The following CLDN16 variants were observed in gnomAD, a reference collection of about 807,000 sequenced individuals.
The protein encoded by CLDN16 is claudin-16.
Under a neutral mutation model 24.6 loss-of-function variants are expected in CLDN16, and 13 were observed. The ratio of observed to expected loss-of-function variants is 0.53; its 90% confidence interval spans 0.34 to 0.84. The LOEUF (loss-of-function observed/expected upper bound fraction) is 0.84. CLDN16 is among the 40% of genes least tolerant of loss of function. CLDN16 has a pLI of 0.01. For synonymous variants in CLDN16, 116 were observed against 106.7 expected, an observed-to-expected ratio of 1.09 and a Z score of -0.54; for missense variants, 298 against 292.7, an observed-to-expected ratio of 1.02 and a Z score of -0.13.
intron 1 of CLDN16, among the ~76,000 whole-genome samples, chr3:190,360,297 G>A (rs1435441381): frequency 1.3e-5 from 2 of 152,026 alleles, no homozygotes; most frequent in East Asian, 3.9e-4. Flanking sequence ...TTCTTTTATT[G>A]AGAGGAGGCC....
At chr3:190,376,353 G>A (rs1718248573) in intron 3 of CLDN16, among the ~76,000 whole-genome samples, 1 of 151,640 alleles carries the variant, frequency 6.6e-6, no homozygotes, top group Non-Finnish European at 1.5e-5. Flanking sequence ...GAAATGAAAG[G>A]TATGTTGATG....
chr3:190,309,038 A>G, the CLDN16 span, among the ~76,000 whole-genome samples: 4 of 152,142 alleles, frequency 2.6e-5, no homozygotes, highest in Admixed American at 1.3e-4. Context: ...AATACGGAAG[A>G]GTAGAGAAGG....
chr3:190,327,246 G>A (rs1337281500), intron 1 of CLDN16, among the ~76,000 whole-genome samples: 2 of 152,118 alleles, frequency 1.3e-5, no homozygotes, highest in African/African-American at 2.4e-5. Context: ...GGAAACCTCC[G>A]TATTTCCTTG....
chr3:190,327,194 A>G (rs1168742493), intron 1 of CLDN16, among the ~76,000 whole-genome samples: 2 of 152,228 alleles, frequency 1.3e-5, no homozygotes, highest in African/African-American at 4.8e-5. Flanking sequence ...TTCACAGTCT[A>G]GAGTCTGAAA....
intron 1 of CLDN16, among the ~76,000 whole-genome samples, chr3:190,398,963 G>C (rs905350906): frequency 2.0e-5 from 3 of 152,096 alleles, no homozygotes; most frequent in Admixed American, 6.6e-5. Context: ...TTTATATGTT[G>C]AATTTCACAA....
intron 3 of CLDN16, among the ~76,000 whole-genome samples, chr3:190,376,695 A>G (rs1424321057): frequency 6.6e-6 from 1 of 151,946 alleles, no homozygotes; most frequent in Non-Finnish European, 1.5e-5. Context: ...TAATGCTGCC[A>G]TGAGAGAAAT....
the CLDN16 span, among the ~76,000 whole-genome samples, chr3:190,302,158 C>G: frequency 6.6e-6 from 1 of 152,150 alleles, no homozygotes; most frequent in Non-Finnish European, 1.5e-5. Context: ...TACCAGGTAC[C>G]ACTTGATTTG....
intron 1 of CLDN16, among the ~76,000 whole-genome samples, chr3:190,335,854 G>T (rs1350099582): frequency 4.0e-5 from 6 of 151,450 alleles, no homozygotes; most frequent in Non-Finnish European, 4.4e-5. Flanking sequence ...GCTAGAAATT[G>T]TCCCATAAAG....
upstream of CLDN16, among the ~76,000 whole-genome samples, chr3:190,318,719 G>A (rs1408099872): frequency 1.3e-5 from 2 of 152,138 alleles, no homozygotes; most frequent in East Asian, 3.8e-4. Context: ...AACACCAATG[G>A]CCCTTCGAGT....
chr3:190,401,950 G>GTT (rs1305412388), intron 1 of CLDN16, among the ~76,000 whole-genome samples: 2 of 151,536 alleles, frequency 1.3e-5, no homozygotes, highest in African/African-American at 4.8e-5. Context: ...ATCATCTATT[G>GTT]TTATATATAT....
rs116813749 is a variant in CLDN16, at chr3:190,328,206, G to T, written n.121+5545G>T. On this transcript the variant is annotated intron_variant and non_coding_transcript_variant, in intron 1 of 4. Coordinates refer to the CLDN16 transcript ENST00000468220. ...TGAGGTAGGAGAATCACTTGGGCTC[G>T]AGAGATGGAGGCTATAGTGAGCTGT... Among the ~76,000 whole-genome samples the T allele has an allele frequency of 3.7e-3, 567 of 152,084 alleles. 5 individuals are homozygous for T. Among genetic ancestry groups the T allele is most frequent in the African/African-American group, 0.013 (540 of 41,480 alleles).
At chr3:190,333,892 T>C (rs1331932331) in intron 1 of CLDN16, among the ~76,000 whole-genome samples, 3 of 152,164 alleles carry the variant, frequency 2.0e-5, no homozygotes, top group Non-Finnish European at 4.4e-5. Context: ...AACATGCAGC[T>C]GACAGAAACA....
chr3:190,404,956 G>T lies in CLDN16; in HGVS notation c.382+30G>T, dbSNP rs113587663. The stretch of plus-strand genomic sequence containing the variant: ...CGGTCTGGCTGGACTAGCAACAGGG[G>T]TAGGGAGACTCTGCTAAGGGCTTGA... On this transcript the variant is annotated intron_variant, in intron 3 of 4. Transcript: ENST00000264734. 3 of 1,610,008 alleles carry T rather than the reference G, an allele frequency of 1.9e-6. No individual in the cohort carries two copies. The highest frequency in any genetic ancestry group is 1.7e-6 in the Non-Finnish European group (2 of 1,176,672).
intron 1 of CLDN16, among the ~76,000 whole-genome samples, chr3:190,336,444 T>C (rs1476332531): frequency 6.6e-6 from 1 of 152,218 alleles, no homozygotes; most frequent in African/African-American, 2.4e-5. Context: ...AGTTATGGCA[T>C]CTTTTGTATA....
chr3:190,298,223 C>T, the CLDN16 span, among the ~76,000 whole-genome samples: 2 of 152,100 alleles, frequency 1.3e-5, no homozygotes, highest in Admixed American at 6.6e-5. Flanking sequence ...ACGTTACCAA[C>T]AATAACCATA....
chr3:190,340,145 G>A lies in CLDN16; in HGVS notation n.121+17484G>A, dbSNP rs1280927451. On this transcript the variant is annotated intron_variant and non_coding_transcript_variant, in intron 1 of 4. Transcript: ENST00000468220. ...TTGATAAAAACTTCTAACACTTTAGGTATAGAAGGAAAGTTCCTCAATGTA... is the reference window on the plus strand; with the variant it reads ...TTGATAAAAACTTCTAACACTTTAGATATAGAAGGAAAGTTCCTCAATGTA... 3.3e-5 allele frequency among the ~76,000 whole-genome samples: 5 copies of A among 152,112 alleles called. No individual in the cohort carries two copies. The South Asian group carries it at 1.0e-3, about 32-fold the overall frequency.
chr3:190,296,256 C>A, the CLDN16 span, among the ~76,000 whole-genome samples: 2 of 152,028 alleles, frequency 1.3e-5, no homozygotes, highest in African/African-American at 4.8e-5. Flanking sequence ...TACAGTAATG[C>A]ATGAATAAAA....
the CLDN16 span, among the ~76,000 whole-genome samples, chr3:190,305,255 T>C: frequency 5.9e-5 from 9 of 152,290 alleles, no homozygotes; most frequent in Middle Eastern, 0.017. Context: ...CAGTTATTGA[T>C]ACTTTAAGAT....
chr3:190,408,915 G>A (rs1036497109), intron 4 of CLDN16, among the ~76,000 whole-genome samples: 2 of 147,282 alleles, frequency 1.4e-5, no homozygotes, highest in Non-Finnish European at 3.0e-5. Context: ...CGTATACATA[G>A]TACATATGTA....
Sources: gnomAD v4.1 joint callset for allele counts (sites outside exome capture counted in the v4.1 genomes callset) on GRCh38, gnomAD v4.1.1 for gene constraint, MANE v1.5 for transcripts, NCBI Gene and HGNC (gene_info 2026-07-23, HGNC 2026-07-21) for gene names.